STX17: variants seen among roughly 807,000 people sequenced by gnomAD.
STX17 encodes the protein syntaxin 17, also known as syntaxin-17.
In STX17, 29 loss-of-function variants were observed where a neutral mutation model predicts 35.9. The observed-to-expected ratio is 0.81, with a 90% CI of 0.60 to 1.10. STX17 has a LOEUF of 1.10. Ranked by LOEUF, STX17 falls within the 50% of genes least tolerant of loss-of-function variation. The pLI, the probability that STX17 is intolerant of heterozygous loss-of-function variation, is 0.00. For synonymous variants in STX17, 92 were observed against 118.3 expected (o/e 0.78, Z 1.44); for missense variants, 312 against 352.3 (o/e 0.89, Z 0.92).
At chr9:99,966,927 A>G (rs1390679651) in intron 6 of STX17, among the ~76,000 whole-genome samples, 6 of 152,228 alleles carry the variant, frequency 3.9e-5, no homozygotes, top group South Asian at 2.1e-4. Context: ...TGACCTCAAC[A>G]TTCCTTCTAC....
chr9:99,944,712 C>T (rs892942558), intron 3 of STX17, among the ~76,000 whole-genome samples: 10 of 151,932 alleles, frequency 6.6e-5, no homozygotes, highest in Admixed American at 2.0e-4. Flanking sequence ...GATGGGGTTT[C>T]GCCATGTTTG....
chr9:99,922,309 G>A (rs1828905501), intron 2 of STX17, among the ~76,000 whole-genome samples: 1 of 152,122 alleles, frequency 6.6e-6, no homozygotes, highest in Admixed American at 6.6e-5. Context: ...AGAGTGGAGG[G>A]GTAGAAAATA....
intron 3 of STX17, among the ~76,000 whole-genome samples, chr9:99,941,373 C>T (rs954949207): frequency 6.6e-6 from 1 of 152,078 alleles, no homozygotes; most frequent in African/African-American, 2.4e-5. Context: ...TCAGTTTTAC[C>T]CCTACCCAAA....
chr9:99,951,134 G>A lies in STX17; in HGVS notation c.264G>A (p.Lys88=), dbSNP rs1220261281. The change falls in exon 4 of 8, where the codon AAG becomes AAA. Residue 88 remains lysine (K), a synonymous_variant. Coordinates refer to ENST00000259400, the MANE Select transcript of STX17 (RefSeq NM_017919.3). The part of the protein sequence containing the change: ...KVRKDDLVLL[K]RMIDPVKEEA... Reference sequence around the variant, plus strand: ...GAAAGGATGACCTAGTACTTCTGAAGAGAATGATAGATCCTGTTAAAGAAG... The same window carrying A: ...GAAAGGATGACCTAGTACTTCTGAAAAGAATGATAGATCCTGTTAAAGAAG... 1.2e-6 allele frequency: 2 copies of A among 1,612,958 alleles called. No individual in the cohort carries two copies. Among genetic ancestry groups the A allele is most frequent in the South Asian group, 1.1e-5 (1 of 91,034 alleles).
chr9:99,954,601 T>G (rs941060913), intron 4 of STX17, among the ~76,000 whole-genome samples: 1 of 152,086 alleles, frequency 6.6e-6, no homozygotes, highest in Non-Finnish European at 1.5e-5. Flanking sequence ...TATTCTATGC[T>G]CTCCAGTTTT....
chr9:99,959,143 A>G (rs1469567163), intron 4 of STX17, among the ~76,000 whole-genome samples: 2 of 152,220 alleles, frequency 1.3e-5, no homozygotes, highest in African/African-American at 2.4e-5. Context: ...ACATTGGCCA[A>G]GTAGAATAGT....
At chr9:99,956,026 A>G (rs545096207) in intron 4 of STX17, among the ~76,000 whole-genome samples, 1 of 152,328 alleles carries the variant, frequency 6.6e-6, no homozygotes, top group African/African-American at 2.4e-5. Flanking sequence ...TGGAAGTTGT[A>G]GAAATGAAAA....
intron 3 of STX17, among the ~76,000 whole-genome samples, chr9:99,946,660 G>A (rs984295219): frequency 2.0e-5 from 3 of 152,004 alleles, no homozygotes; most frequent in African/African-American, 7.2e-5. Flanking sequence ...CTCTTACTGT[G>A]TGTTATTGAC....
chr9:99,919,967 G>C (rs1208898570), intron 2 of STX17, among the ~76,000 whole-genome samples: 3 of 152,154 alleles, frequency 2.0e-5, no homozygotes. Context: ...TTGTTAATCT[G>C]TGATTACAAT....
In STX17 at chr9:99,959,999, A is replaced by G. The variant is rs1168386376; in HGVS notation, c.498A>G (p.Gln166=). Residue 166 remains glutamine (Q), a synonymous_variant, in exon 5 of 8, where the codon CAA becomes CAG. Transcript: ENST00000259400. ...IYALPEIPQD[Q]NAAESWETLE... is the part of the protein sequence containing the mutation. ...CCTTACCTGAAATTCCTCAAGATCA[A>G]AATGCTGCAGAATCGTGGGAAACCT... is the stretch of plus-strand genomic sequence containing the variant. The G allele has an allele frequency of 1.9e-6, 3 of 1,614,088 alleles. No homozygotes were observed. Among genetic ancestry groups the G allele is most frequent in the Non-Finnish European group, 2.5e-6 (3 of 1,179,988 alleles).
chr9:99,931,498 T>C (rs1485251236), intron 3 of STX17, among the ~76,000 whole-genome samples: 4 of 151,992 alleles, frequency 2.6e-5, no homozygotes, highest in Non-Finnish European at 5.9e-5. Flanking sequence ...TTGCTCTTTT[T>C]TTTTTTTTCT....
intron 1 of STX17, among the ~76,000 whole-genome samples, chr9:99,910,600 A>T (rs1429149210): frequency 6.6e-6 from 1 of 152,162 alleles, no homozygotes; most frequent in Non-Finnish European, 1.5e-5. Context: ...TGATGTTTTG[A>T]TACATACATA....
At chr9:99,923,359 A>T (rs1327169693) in intron 2 of STX17, among the ~76,000 whole-genome samples, 2 of 152,192 alleles carry the variant, frequency 1.3e-5, no homozygotes, top group Non-Finnish European at 2.9e-5. Context: ...TTAAGATATT[A>T]TATGAAAAAA....
chr9:99,938,481 G>T (rs1829282995), intron 3 of STX17, among the ~76,000 whole-genome samples: 1 of 152,128 alleles, frequency 6.6e-6, no homozygotes, highest in South Asian at 2.1e-4. Flanking sequence ...CATTAACTTG[G>T]CTTTTATAGA....
intron 4 of STX17, 130 bp from the exon 5 acceptor site, chr9:99,959,787 C>T: frequency 2.8e-6 from 2 of 725,260 alleles, no homozygotes; most frequent in Non-Finnish European, 4.7e-6. Context: ...GTAGAATAAT[C>T]AATTTCCTTT....
chr9:99,970,776 C>T lies in STX17; in HGVS notation c.*2103C>T, dbSNP rs1274638004. On this transcript the variant is annotated 3_prime_UTR_variant, in exon 8 of 8. Coordinates refer to ENST00000259400, the MANE Select transcript of STX17 (RefSeq NM_017919.3). ...CATCCCAAATTGGCTATCCTTTCAG[C>T]CCACCAACTTAGCGGCAGCACTAGG... is the stretch of plus-strand genomic sequence containing the variant. 6.6e-6 allele frequency among the ~76,000 whole-genome samples: 1 copy of T among 152,194 alleles called. No homozygotes were observed. The highest frequency in any genetic ancestry group is 2.4e-5 in the African/African-American group (1 of 41,442).
chr9:99,924,420 T>C (rs1236696668), intron 2 of STX17, among the ~76,000 whole-genome samples: 1 of 151,902 alleles, frequency 6.6e-6, no homozygotes, highest in Non-Finnish European at 1.5e-5. Flanking sequence ...GTAATATTTA[T>C]ATAATCATAA....
intron 4 of STX17, among the ~76,000 whole-genome samples, chr9:99,953,218 A>G (rs1011175164): frequency 6.6e-6 from 1 of 152,076 alleles, no homozygotes. Context: ...TGGAAGAAAC[A>G]TTTAGGCCAC....
chr9:99,965,144 A>G (rs1356841783), intron 6 of STX17, among the ~76,000 whole-genome samples: 1 of 152,204 alleles, frequency 6.6e-6, no homozygotes, highest in African/African-American at 2.4e-5. Context: ...GGTGATTGCA[A>G]TGATGGGGAA....
Sources: allele counts gnomAD v4.1 joint callset (sites outside exome capture counted in the v4.1 genomes callset), GRCh38; gene constraint gnomAD v4.1.1; transcripts MANE v1.5; gene names NCBI Gene and HGNC (gene_info 2026-07-23, HGNC 2026-07-21).